The following SHTN1 variants were observed in gnomAD, a reference collection of about 807,000 sequenced individuals.
SHTN1 encodes shootin-1.
Under a neutral mutation model 83.1 loss-of-function variants are expected in SHTN1, and 42 were observed. The ratio of observed to expected loss-of-function variants is 0.51; its 90% CI spans 0.39 to 0.65. The LOEUF is 0.65. SHTN1 is among the 30% of genes least tolerant of loss of function. SHTN1 has a pLI of 0.00. For missense variants in SHTN1, 622 were observed against 737.8 expected, an observed-to-expected ratio of 0.84 and a Z score of 1.82; for synonymous variants, 224 against 247.7, an observed-to-expected ratio of 0.90 and a Z score of 0.90.
At chr10:116,948,756 A>G (rs187018707) in intron 7 of SHTN1, among the ~76,000 whole-genome samples, 160 bp downstream of exon 7, 1 of 151,888 alleles carries the variant, frequency 6.6e-6, no homozygotes, top group African/African-American at 2.4e-5. Flanking sequence ...GTTGGGTAAT[A>G]AAACAATGGA....
chr10:117,018,053 G>A (rs1852205907), intron 2 of SHTN1, among the ~76,000 whole-genome samples: 1 of 152,134 alleles, frequency 6.6e-6, no homozygotes, highest in Non-Finnish European at 1.5e-5. Flanking sequence ...GACCAGAAGG[G>A]ACTAAGCAGA....
At chr10:117,120,819 T>C (rs1208762636) in intron 1 of SHTN1, among the ~76,000 whole-genome samples, 1 of 151,738 alleles carries the variant, frequency 6.6e-6, no homozygotes, top group Non-Finnish European at 1.5e-5. Context: ...TGATTTTTTT[T>C]TTTTTTTTGA....
intron 7 of SHTN1, 33 bp from the exon 8 acceptor site, chr10:116,945,051 C>G (rs1275215614): frequency 8.2e-7 from 1 of 1,226,318 alleles, no homozygotes; most frequent in Non-Finnish European, 1.2e-6. Flanking sequence ...AAAACCCAGA[C>G]AATAAGTCAC....
chr10:116,974,929 G>A (rs192873160), intron 2 of SHTN1, among the ~76,000 whole-genome samples: 1 of 152,168 alleles, frequency 6.6e-6, no homozygotes, highest in Non-Finnish European at 1.5e-5. Context: ...TTTGAATATG[G>A]TGATTGCTAC....
chr10:116,948,900 G>A lies in SHTN1; in HGVS notation c.616+16C>T. On this transcript the variant is annotated intron_variant, in intron 7 of 16. Coordinates refer to ENST00000355371, the MANE Select transcript of SHTN1 (RefSeq NM_001127211.3). ...ACCGCATACGTATTTGAGAAAAAAA[G>A]ACTGGACAGACTTACCTCTATTGCA... 6.6e-7 allele frequency: 1 copy of A among 1,513,138 alleles called. No homozygotes were observed. Among genetic ancestry groups the A allele is most frequent in the African/African-American group, 1.4e-5 (1 of 70,972 alleles). The allele number at this position is 1,513,138 out of a possible 1,614,324, so 93.7% of individuals were successfully genotyped here.
At chr10:116,891,889 C>T (rs561968739) in intron 16 of SHTN1, among the ~76,000 whole-genome samples, 1 of 152,174 alleles carries the variant, frequency 6.6e-6, no homozygotes, top group South Asian at 2.1e-4. Context: ...GGTACTTTTT[C>T]AAAACTTCAT....
chr10:117,000,503 T>C (rs1483182783), intron 1 of SHTN1, among the ~76,000 whole-genome samples: 1 of 152,214 alleles, frequency 6.6e-6, no homozygotes, highest in Non-Finnish European at 1.5e-5. Flanking sequence ...AGGAAATCCA[T>C]TTTAAATACT....
chr10:116,937,473 A>G (rs992609606), intron 9 of SHTN1, among the ~76,000 whole-genome samples: 1 of 152,150 alleles, frequency 6.6e-6, no homozygotes, highest in African/African-American at 2.4e-5. Context: ...TGTCTTTAAG[A>G]ATGTTGAATA....
chr10:116,923,296 A>G (rs907002277), intron 11 of SHTN1, among the ~76,000 whole-genome samples: 4 of 152,220 alleles, frequency 2.6e-5, no homozygotes, highest in Non-Finnish European at 5.9e-5. Context: ...GCTTGTGTAC[A>G]TATCTGCATA....
intron 2 of SHTN1, among the ~76,000 whole-genome samples, chr10:117,014,409 G>C (rs979382333): frequency 6.6e-6 from 1 of 152,160 alleles, no homozygotes; most frequent in Non-Finnish European, 1.5e-5. Context: ...GGGAAGGGAT[G>C]GGGGAAAGGA....
chr10:117,123,305 C>A (rs749237002), intron 1 of SHTN1, among the ~76,000 whole-genome samples: 3 of 152,132 alleles, frequency 2.0e-5, no homozygotes, highest in Non-Finnish European at 4.4e-5. Context: ...TCCCTTTCCA[C>A]TCTTCATTTT....
intron 16 of SHTN1, among the ~76,000 whole-genome samples, chr10:116,899,505 T>TGGGG (rs1035576265): frequency 2.0e-5 from 2 of 101,898 alleles, no homozygotes; most frequent in African/African-American, 1.0e-4. Context: ...TGGCTGGGGC[T>TGGGG]GGTGTGTGTG....
intron 12 of SHTN1, among the ~76,000 whole-genome samples, chr10:116,919,919 G>C (rs1453148092): frequency 2.0e-5 from 3 of 152,016 alleles, no homozygotes; most frequent in Non-Finnish European, 4.4e-5. Context: ...TTCCTGCTAA[G>C]AGAGAAAAAA....
intron 1 of SHTN1, among the ~76,000 whole-genome samples, chr10:117,083,099 G>T (rs1853295313): frequency 6.6e-6 from 1 of 150,988 alleles, no homozygotes; most frequent in African/African-American, 2.4e-5. Context: ...TGGTTATTTT[G>T]CTCGTTAGTT....
At chr10:116,986,699 T>C (rs1851228744) in intron 1 of SHTN1, among the ~76,000 whole-genome samples, 1 of 144,746 alleles carries the variant, frequency 6.9e-6, no homozygotes, top group African/African-American at 2.5e-5. Context: ...CTGGGCAACA[T>C]AGCAAAACCC....
chr10:116,896,725 C>A (rs1389857631), intron 16 of SHTN1, among the ~76,000 whole-genome samples: 1 of 151,824 alleles, frequency 6.6e-6, no homozygotes, highest in Non-Finnish European at 1.5e-5. Context: ...GTCGTCTCAT[C>A]TTCTCACCCA....
chr10:116,937,289 G>A lies in SHTN1; in HGVS notation c.858+3177C>T, dbSNP rs182284675. Among the ~76,000 whole-genome samples the A allele has an allele frequency of 1.2e-3, 188 of 152,272 alleles. 1 individual carries two copies. The highest frequency in any genetic ancestry group is 4.2e-3 in the African/African-American group (176 of 41,548). ...CTTTACAATTTGGTATGTTTTTGCA[G>A]TAGCTGGTACCAGTCTTTCCTTTCC... On this transcript the variant is annotated intron_variant, in intron 9 of 16. Coordinates refer to ENST00000355371, the MANE Select transcript of SHTN1 (RefSeq NM_001127211.3).
At chr10:116,894,903 G>A (rs943372755) in intron 16 of SHTN1, among the ~76,000 whole-genome samples, 1 of 152,180 alleles carries the variant, frequency 6.6e-6, no homozygotes, top group Non-Finnish European at 1.5e-5. Context: ...TGACTGTGAT[G>A]CAGACACATT....
At chr10:116,904,650 T>C (rs1847889535) in intron 15 of SHTN1, among the ~76,000 whole-genome samples, 1 of 152,192 alleles carries the variant, frequency 6.6e-6, no homozygotes, top group South Asian at 2.1e-4. Context: ...ATATAATACA[T>C]TAAGTGAAAA....
Sources: allele counts gnomAD v4.1 joint callset (sites outside exome capture counted in the v4.1 genomes callset), GRCh38; gene constraint gnomAD v4.1.1; transcripts MANE v1.5; gene names NCBI Gene and HGNC (gene_info 2026-07-23, HGNC 2026-07-21).